Variants in PTPRT observed in about 807,000 individuals in gnomAD.
The protein encoded by PTPRT is protein tyrosine phosphatase receptor type T.
In PTPRT, 56 loss-of-function variants were observed where a neutral mutation model predicts 176.8. The observed-to-expected ratio is 0.32, with a 90% CI of 0.26 to 0.40. PTPRT has a LOEUF of 0.40. Ranked by LOEUF, PTPRT falls within the 10% of genes least tolerant of loss-of-function variation. PTPRT has a pLI of 1.00. For missense variants in PTPRT, 1,540 were observed against 1,908.2 expected (o/e 0.81, Z 3.60); for synonymous variants, 783 against 739.0 (o/e 1.06, Z -0.96).
chr20:42,197,372 C>A, intron 16 of PTPRT, among the ~76,000 whole-genome samples: 1 of 46,654 alleles, frequency 2.1e-5, no homozygotes. Context: ...GAGTGAGACT[C>A]CATCAAAAAA....
At chr20:42,265,809 T>G (rs2056830041) in intron 13 of PTPRT, among the ~76,000 whole-genome samples, 1 of 152,160 alleles carries the variant, frequency 6.6e-6, no homozygotes, top group Non-Finnish European at 1.5e-5. Context: ...CATCATCTTC[T>G]CTTGGCCCAC....
rs551414559 is a variant in PTPRT at position 42,625,313 on chromosome 20, G to A, written c.1153+52553C>T. 9.2e-5 allele frequency among the ~76,000 whole-genome samples: 14 copies of A among 152,248 alleles called. 1 individual carries two copies. Among genetic ancestry groups the A allele is most frequent in the South Asian group, 4.1e-4 (2 of 4,822 alleles). ...TTAAAAAGACTTAATTTGCTAAGTC[G>A]TGTGTCAGAAAGAAGAAAAATGAAA... On this transcript the variant is annotated intron_variant, in intron 7 of 30. Coordinates refer to ENST00000373187, the MANE Select transcript of PTPRT (RefSeq NM_007050.6).
intron 1 of PTPRT, among the ~76,000 whole-genome samples, chr20:43,036,590 T>C (rs1986390301): frequency 6.6e-6 from 1 of 152,008 alleles, no homozygotes; most frequent in African/African-American, 2.4e-5. Flanking sequence ...CCCCATGAAT[T>C]CCAAAGATTA....
At chr20:42,123,828 A>T (rs1831040626) in intron 19 of PTPRT, among the ~76,000 whole-genome samples, 1 of 152,180 alleles carries the variant, frequency 6.6e-6, no homozygotes, top group Non-Finnish European at 1.5e-5. Context: ...CCACCCCATC[A>T]GCTTCTTTCC....
At chr20:42,272,359 T>C (rs1033731949) in intron 13 of PTPRT, among the ~76,000 whole-genome samples, 12 of 152,150 alleles carry the variant, frequency 7.9e-5, no homozygotes, top group African/African-American at 2.9e-4. Context: ...ATCTGTCCTT[T>C]TACAGAGGAG....
chr20:42,202,255 C>A (rs1991483340), intron 15 of PTPRT, among the ~76,000 whole-genome samples: 1 of 152,132 alleles, frequency 6.6e-6, no homozygotes, highest in Non-Finnish European at 1.5e-5. Context: ...CAGGTGGGAG[C>A]CACCGTGCCC....
intron 7 of PTPRT, among the ~76,000 whole-genome samples, chr20:42,543,532 G>A (rs993288843): frequency 3.9e-5 from 6 of 151,942 alleles, no homozygotes; most frequent in East Asian, 3.9e-4. Flanking sequence ...TGAACCCCTC[G>A]AAGTCATCTG....
chr20:43,115,393 C>T (rs998351140), intron 1 of PTPRT, among the ~76,000 whole-genome samples: 2 of 152,176 alleles, frequency 1.3e-5, no homozygotes, highest in Non-Finnish European at 2.9e-5. Flanking sequence ...CAAAGCCCAT[C>T]AAGAAACGTT....
rs3833311 is a variant in PTPRT, at chr20:42,073,624, G to GGCAAA, written c.*7250_*7254dup. Reference sequence around the variant, plus strand: ...AGATCTACATGGGTATTGGGTCTATGGCAAAGCAGCTGTTCCCTATGGTTT... The same window carrying GGCAAA: ...AGATCTACATGGGTATTGGGTCTATGGCAAAGCAAAGCAGCTGTTCCCTATGGTTT... On this transcript the variant is annotated 3_prime_UTR_variant, in exon 31 of 31. Coordinates refer to ENST00000373187, the MANE Select transcript of PTPRT (RefSeq NM_007050.6). 0.18 allele frequency: 39,533 copies of GGCAAA among 223,702 alleles called. 4,095 individuals carry two copies. Among genetic ancestry groups the GGCAAA allele is most frequent in the East Asian group, 0.35 (5,353 of 15,370 alleles). The allele number at this position is 223,702 out of a possible 1,614,324, so 13.9% of individuals were successfully genotyped here.
rs566012150 is a variant in PTPRT at position 42,591,146 on chromosome 20, G to A, written c.1153+86720C>T. On this transcript the variant is annotated intron_variant, in intron 7 of 30. Coordinates refer to ENST00000373187, the MANE Select transcript of PTPRT (RefSeq NM_007050.6). Reference sequence around the variant, plus strand: ...AGAATTTTAGAAAGAAAATAATTTTGTATAACTTTGGAAGTATCTAAAGTC... The same window carrying A: ...AGAATTTTAGAAAGAAAATAATTTTATATAACTTTGGAAGTATCTAAAGTC... Among the ~76,000 whole-genome samples, 6 of 152,162 alleles carry A rather than the reference G, an allele frequency of 3.9e-5. No individual in the cohort carries two copies. The East Asian group carries it at 1.2e-3, about 29-fold the overall frequency.
intron 7 of PTPRT, among the ~76,000 whole-genome samples, chr20:42,540,578 G>C (rs1478899981): frequency 6.6e-6 from 1 of 152,070 alleles, no homozygotes. Context: ...TTCTGTAGGA[G>C]GATGAAATTG....
chr20:42,581,246 A>T lies in PTPRT; in HGVS notation c.1153+96620T>A, dbSNP rs149420820. ...TTGTCAATATATCACTTCCTCAATGAGGCCTACTCTTTAAAATTATTAACC... is the reference window on the plus strand; with the variant it reads ...TTGTCAATATATCACTTCCTCAATGTGGCCTACTCTTTAAAATTATTAACC... On this transcript the variant is annotated intron_variant, in intron 7 of 30. Coordinates refer to ENST00000373187, the MANE Select transcript of PTPRT (RefSeq NM_007050.6). Among the ~76,000 whole-genome samples, 477 of 152,258 alleles carry T rather than the reference A, an allele frequency of 3.1e-3. 1 individual carries two copies. The highest frequency in any genetic ancestry group is 0.011 in the African/African-American group (457 of 41,544).
At chr20:42,048,756 T>C in the PTPRT span, among the ~76,000 whole-genome samples, 2 of 152,224 alleles carry the variant, frequency 1.3e-5, no homozygotes, top group Admixed American at 1.3e-4. Flanking sequence ...CTGACCTGTA[T>C]TAATTGCTGA....
chr20:42,830,732 A>AT (rs2078070689), intron 2 of PTPRT, among the ~76,000 whole-genome samples: 1 of 152,204 alleles, frequency 6.6e-6, no homozygotes, highest in African/African-American at 2.4e-5. Context: ...AATCACTAGC[A>AT]TTTCTATACA....
intron 6 of PTPRT, among the ~76,000 whole-genome samples, chr20:42,694,938 G>A (rs762597956): frequency 6.6e-6 from 1 of 152,186 alleles, no homozygotes; most frequent in Non-Finnish European, 1.5e-5. Flanking sequence ...AGCTCACAGA[G>A]CTCCTGGCTG....
At chr20:42,197,638 A>T (rs1991283282) in intron 16 of PTPRT, among the ~76,000 whole-genome samples, 1 of 152,024 alleles carries the variant, frequency 6.6e-6, no homozygotes, top group African/African-American at 2.4e-5. Context: ...GAGGTATCCT[A>T]GTTCTTAGGA....
At chr20:42,835,632 G>T (rs1424160792) in intron 2 of PTPRT, among the ~76,000 whole-genome samples, 2 of 152,068 alleles carry the variant, frequency 1.3e-5, no homozygotes, top group Non-Finnish European at 2.9e-5. Context: ...TTCTAGACAA[G>T]AACTTTTTTT....
chr20:42,188,684 G>A (rs181663425), intron 16 of PTPRT, among the ~76,000 whole-genome samples: 36 of 152,036 alleles, frequency 2.4e-4, no homozygotes, highest in Non-Finnish European at 4.1e-4. Context: ...TATTTACATC[G>A]TCAACATCAC....
chr20:43,124,437 G>C (rs917178247), intron 1 of PTPRT, among the ~76,000 whole-genome samples: 1 of 152,068 alleles, frequency 6.6e-6, no homozygotes, highest in African/African-American at 2.4e-5. Flanking sequence ...GTCTCTTCTC[G>C]GGAGGAACCA....
Sources: gnomAD v4.1 joint callset for allele counts (sites outside exome capture counted in the v4.1 genomes callset) on GRCh38, gnomAD v4.1.1 for gene constraint, MANE v1.5 for transcripts, NCBI Gene and HGNC (gene_info 2026-07-23, HGNC 2026-07-21) for gene names.